CTNNA3: variants seen among roughly 807,000 people sequenced by gnomAD.
The protein encoded by CTNNA3 is catenin alpha 3, also known as catenin alpha-3.
A neutral mutation model predicts 95.7 loss-of-function variants in CTNNA3; 76 were observed. The ratio of observed to expected loss-of-function variants is 0.79; its 90% CI spans 0.66 to 0.96. The LOEUF (loss-of-function observed/expected upper bound fraction) is 0.96, where lower values mean the gene tolerates loss of function less well. Among genes scored for constraint, CTNNA3 ranks in the 40% least tolerant of loss-of-function variants. The pLI, the probability that CTNNA3 is intolerant of heterozygous loss-of-function variation, is 0.00. For synonymous variants in CTNNA3, 431 were observed against 374.4 expected, an observed-to-expected ratio of 1.15 and a Z score of -1.74; for missense variants, 1,191 against 1,089.8, an observed-to-expected ratio of 1.09 and a Z score of -1.31.
intron 12 of CTNNA3, among the ~76,000 whole-genome samples, chr10:66,356,102 C>A (rs2092606766): frequency 6.8e-6 from 1 of 148,118 alleles, no homozygotes; most frequent in African/African-American, 2.5e-5. Flanking sequence ...GTGGATGCTC[C>A]AAATTTGTTT....
At position 67,172,127 on chromosome 10, in the gene CTNNA3, C is replaced by A. The variant is rs527830158; in HGVS notation, c.1047+8190G>T. Among the ~76,000 whole-genome samples the A allele has an allele frequency of 2.9e-3, 447 of 152,336 alleles. 3 individuals carry two copies. The highest frequency in any genetic ancestry group is 0.01 in the African/African-American group (422 of 41,574). On this transcript the variant is annotated intron_variant, in intron 7 of 17. Transcript: ENST00000433211. ...TGGAATTCCCAACTCCCTCAACTGTCTAATGAGTACCTACTTCTCCTTCAA... is the reference window on the plus strand; with the variant it reads ...TGGAATTCCCAACTCCCTCAACTGTATAATGAGTACCTACTTCTCCTTCAA...
At chr10:66,371,427 C>A (rs10997096) in intron 12 of CTNNA3, among the ~76,000 whole-genome samples, 16,325 of 152,108 alleles carry the variant, frequency 0.11, 1,053 homozygotes, top group East Asian at 0.26. Context: ...TATCATAATA[C>A]CTTGTTTAAT....
At chr10:66,079,260 G>C (rs908397906) in intron 14 of CTNNA3, 8 of 152,036 alleles carry the variant, frequency 5.3e-5, no homozygotes, top group African/African-American at 1.9e-4. Context: ...CTCTCAAACA[G>C]TTTAAAAGAT....
In CTNNA3 at chr10:66,084,199, G is replaced by T. The variant is rs115318862; in HGVS notation, c.1978-14710C>A. Among the ~76,000 whole-genome samples the T allele has an allele frequency of 2.9e-3, 403 of 138,822 alleles. 6 individuals carry two copies. The highest frequency in any genetic ancestry group is 9.9e-3 in the African/African-American group (391 of 39,598). The allele number at this position is 138,822 out of a possible 152,430, so 91.1% of individuals were successfully genotyped here. A position where few individuals can be genotyped will look rare whatever the true frequency, so the allele number is the denominator to read the frequency against. On this transcript the variant is annotated intron_variant, in intron 14 of 17. Coordinates refer to ENST00000433211, the MANE Select transcript of CTNNA3 (RefSeq NM_013266.4). ...AAAGGAAAGAAAAAAAGAAATGATA[G>T]TGAGTTTGCAGAAGAGACCAAACTT...
chr10:66,493,143 G>T (rs1839981447), intron 11 of CTNNA3, among the ~76,000 whole-genome samples: 1 of 152,184 alleles, frequency 6.6e-6, no homozygotes, highest in Non-Finnish European at 1.5e-5. Flanking sequence ...GAGACAAGGA[G>T]ATGAAATATT....
At chr10:65,935,726 CTTT>C (rs2077327173) in intron 17 of CTNNA3, among the ~76,000 whole-genome samples, 1 of 151,964 alleles carries the variant, frequency 6.6e-6, no homozygotes, top group Non-Finnish European at 1.5e-5. Context: ...AATTTTTCTT[CTTT>C]ATTTCTTTGT....
At chr10:66,417,110 A>G (rs2093153175) in intron 11 of CTNNA3, among the ~76,000 whole-genome samples, 1 of 152,062 alleles carries the variant, frequency 6.6e-6, no homozygotes, top group Non-Finnish European at 1.5e-5. Context: ...ATGGATTTTA[A>G]AAAAATGATC....
At chr10:67,053,958 T>C (rs534726232) in intron 7 of CTNNA3, among the ~76,000 whole-genome samples, 1 of 152,196 alleles carries the variant, frequency 6.6e-6, no homozygotes, top group African/African-American at 2.4e-5. Flanking sequence ...AATGACCTTA[T>C]GTCATCCATA....
chr10:67,562,380 G>C (rs141657529), intron 3 of CTNNA3, among the ~76,000 whole-genome samples: 1,598 of 152,178 alleles, frequency 0.011, 35 homozygotes, highest in African/African-American at 0.036. Context: ...CAGAACCAAA[G>C]ACAAAACCAC....
chr10:67,457,198 A>G (rs1342993278), intron 5 of CTNNA3, among the ~76,000 whole-genome samples: 2 of 152,182 alleles, frequency 1.3e-5, no homozygotes, highest in East Asian at 1.9e-4. Flanking sequence ...CTGGATGAAA[A>G]GGTATGGACA....
At chr10:67,076,497 A>G (rs944325573) in intron 7 of CTNNA3, among the ~76,000 whole-genome samples, 11 of 152,236 alleles carry the variant, frequency 7.2e-5, no homozygotes, top group African/African-American at 2.7e-4. Flanking sequence ...CCAGGACTCC[A>G]TCAGAATGCC....
intron 10 of CTNNA3, among the ~76,000 whole-genome samples, chr10:66,522,691 C>T (rs1285180418): frequency 6.6e-6 from 1 of 151,732 alleles, no homozygotes; most frequent in Admixed American, 6.6e-5. Flanking sequence ...TTATTAGCAG[C>T]ATTAGAACAG....
chr10:66,736,882 G>A (rs1849162176), intron 9 of CTNNA3, among the ~76,000 whole-genome samples: 1 of 152,006 alleles, frequency 6.6e-6, no homozygotes, highest in Non-Finnish European at 1.5e-5. Flanking sequence ...TACTGTTTTG[G>A]TAAATAGTTG....
At chr10:66,311,737 C>G (rs981056514) in intron 12 of CTNNA3, among the ~76,000 whole-genome samples, 4 of 152,100 alleles carry the variant, frequency 2.6e-5, no homozygotes, top group Admixed American at 2.0e-4. Flanking sequence ...ACATGGGGCT[C>G]CTATATGCAT....
chr10:66,242,637 T>C (rs1416794330), intron 13 of CTNNA3, among the ~76,000 whole-genome samples: 1 of 152,196 alleles, frequency 6.6e-6, no homozygotes, highest in Admixed American at 6.5e-5. Context: ...TAACACTAAA[T>C]GTTGACATGT....
intron 5 of CTNNA3, among the ~76,000 whole-genome samples, chr10:67,253,625 G>T (rs1866201064): frequency 6.6e-6 from 1 of 152,264 alleles, no homozygotes; most frequent in South Asian, 2.1e-4. Flanking sequence ...AGGCCATCAG[G>T]GGATTCAACT....
intron 1 of CTNNA3, chr10:67,665,463 G>A (rs368471019): frequency 2.6e-5 from 4 of 151,958 alleles, no homozygotes; most frequent in African/African-American, 7.3e-5. Flanking sequence ...TTATCTAACC[G>A]AGCAACAGAT....
chr10:66,400,052 T>C (rs1034299476), intron 11 of CTNNA3, among the ~76,000 whole-genome samples: 3 of 152,042 alleles, frequency 2.0e-5, no homozygotes, highest in South Asian at 2.1e-4. Context: ...CACAGACATA[T>C]ATGTGTGCAT....
chr10:66,559,740 C>CTG (rs1842495768), intron 10 of CTNNA3, among the ~76,000 whole-genome samples: 2 of 152,056 alleles, frequency 1.3e-5, no homozygotes, highest in Admixed American at 1.3e-4. Context: ...TTTTAGAACA[C>CTG]AGTTTAAACC....
Sources: gnomAD v4.1 joint callset for allele counts (sites outside exome capture counted in the v4.1 genomes callset) on GRCh38, gnomAD v4.1.1 for gene constraint, MANE v1.5 for transcripts, NCBI Gene and HGNC (gene_info 2026-07-23, HGNC 2026-07-21) for gene names.